Variants in CCDC102B observed in about 807,000 individuals in gnomAD.
CCDC102B encodes coiled-coil domain-containing protein 102B.
Under a neutral mutation model 57.4 loss-of-function variants are expected in CCDC102B, and 75 were observed. The ratio of observed to expected loss-of-function variants is 1.31; its 90% CI spans 1.08 to 1.58. The LOEUF (loss-of-function observed/expected upper bound fraction) is 1.58, where lower values mean the gene tolerates loss of function less well. Among genes scored for constraint, CCDC102B ranks in the 40% most tolerant of loss-of-function variants. The probability of loss-of-function intolerance (pLI) is 0.00; values close to 1 mark genes in which losing one functional copy is unlikely to be tolerated. For missense variants in CCDC102B, 636 were observed against 582.6 expected (o/e 1.09, Z -0.94); for synonymous variants, 206 against 201.9 (o/e 1.02, Z -0.17).
chr18:68,927,973 T>G (rs1296419831), intron 6 of CCDC102B, among the ~76,000 whole-genome samples: 3 of 151,886 alleles, frequency 2.0e-5, no homozygotes, highest in Non-Finnish European at 4.4e-5. Flanking sequence ...ACGTTTAACT[T>G]ACAGACACTG....
At chr18:68,777,869 G>A (rs923655655) in intron 2 of CCDC102B, among the ~76,000 whole-genome samples, 2 of 152,138 alleles carry the variant, frequency 1.3e-5, no homozygotes, top group African/African-American at 4.8e-5. Context: ...AGGTTGACAA[G>A]TATATTGCAA....
At chr18:69,052,995 G>A (rs2052746079) in intron 7 of CCDC102B, among the ~76,000 whole-genome samples, 1 of 151,824 alleles carries the variant, frequency 6.6e-6, no homozygotes, top group Admixed American at 6.6e-5. Flanking sequence ...TTAGTGACTT[G>A]AGCATATGTG....
intron 1 of CCDC102B, among the ~76,000 whole-genome samples, chr18:68,805,498 G>C (rs867278353): frequency 6.6e-6 from 1 of 152,276 alleles, no homozygotes; most frequent in Middle Eastern, 3.4e-3. Flanking sequence ...AGCTTGCTCA[G>C]AGCAATTTGT....
At chr18:69,038,107 TG>T (rs1269215770) in intron 7 of CCDC102B, among the ~76,000 whole-genome samples, 5 of 151,978 alleles carry the variant, frequency 3.3e-5, no homozygotes, top group Non-Finnish European at 7.4e-5. Flanking sequence ...GTGGTATTTT[TG>T]TTTTTATTTT....
chr18:68,749,308 T>A (rs1201922891), intron 2 of CCDC102B, among the ~76,000 whole-genome samples: 1 of 152,076 alleles, frequency 6.6e-6, no homozygotes, highest in Non-Finnish European at 1.5e-5. Context: ...TCCAATACTG[T>A]GAAGAAAGTC....
intron 7 of CCDC102B, among the ~76,000 whole-genome samples, chr18:69,042,112 A>G (rs908109866): frequency 2.0e-5 from 3 of 152,100 alleles, no homozygotes; most frequent in African/African-American, 7.2e-5. Flanking sequence ...AACGAAAATA[A>G]GGGTGGAACG....
At chr18:68,956,640 A>G (rs72965116) in intron 6 of CCDC102B, among the ~76,000 whole-genome samples, 4,733 of 126,204 alleles carry the variant, frequency 0.038, 263 homozygotes, top group Non-Finnish European at 0.056. Context: ...CGCACCATAC[A>G]TATAGCAGTG....
chr18:68,914,955 G>T lies in CCDC102B; in HGVS notation c.1263+17527G>T, dbSNP rs958988516. Among the ~76,000 whole-genome samples, 17 of 146,254 alleles carry T rather than the reference G, an allele frequency of 1.2e-4. No homozygotes were observed. In the East Asian group the frequency reaches 2.7e-3, roughly 23 times the overall value. On this transcript the variant is annotated intron_variant, in intron 6 of 7. Transcript: ENST00000360242. ...TTAGGTGAGGACTTACTGTATTTTT[G>T]ATTTAGGCACTACTGGGGGGAGAGA... is the stretch of plus-strand genomic sequence containing the variant.
intron 1 of CCDC102B, among the ~76,000 whole-genome samples, chr18:68,831,660 T>A (rs2037146308): frequency 6.6e-6 from 1 of 152,158 alleles, no homozygotes; most frequent in South Asian, 2.1e-4. Flanking sequence ...AGATGGAAGC[T>A]GTCTGTATAA....
In CCDC102B at chr18:68,748,458, C is replaced by A. The variant is rs150741206; in HGVS notation, c.-67+31864C>A. Among the ~76,000 whole-genome samples, 9 of 152,168 alleles carry A rather than the reference C, an allele frequency of 5.9e-5. 1 individual carries two copies. The East Asian group carries it at 1.7e-3, about 29-fold the overall frequency. ...TTTTACTAACTGGTAGTTTTGTAGT[C>A]AGCATGGTGGCAGAAATTTCCTAAT... On this transcript the variant is annotated intron_variant, in intron 2 of 3. Transcript: ENST00000578970.
At chr18:68,893,791 C>T (rs1420432777) in intron 5 of CCDC102B, among the ~76,000 whole-genome samples, 1 of 152,170 alleles carries the variant, frequency 6.6e-6, no homozygotes, top group Non-Finnish European at 1.5e-5. Context: ...TCGGAATAAT[C>T]ACAATATTAC....
intron 1 of CCDC102B, among the ~76,000 whole-genome samples, chr18:68,816,620 C>T (rs1239253107): frequency 1.3e-5 from 2 of 152,096 alleles, no homozygotes; most frequent in South Asian, 2.1e-4. Context: ...CGCCCGCCAC[C>T]ATGCCTGGCT....
intron 2 of CCDC102B, among the ~76,000 whole-genome samples, chr18:68,774,888 C>T (rs1482277770): frequency 2.0e-5 from 3 of 151,366 alleles, no homozygotes; most frequent in African/African-American, 4.8e-5. Context: ...ATAACATAAT[C>T]AGTACCACTT....
In CCDC102B at chr18:68,774,856, CTTTTAA is replaced by C. The variant is rs1047863392; in HGVS notation, c.-66-48502_-66-48497del. 1.1e-3 allele frequency among the ~76,000 whole-genome samples: 167 copies of C among 151,550 alleles called. 2 individuals are homozygous for C. The highest frequency in any genetic ancestry group is 7.3e-3 in the Middle Eastern group (2 of 274). ...TGTCATTTTAAAATATTATCATTTA[CTTTTAA>C]TTTTAATATATATTAATAACATAAT... On this transcript the variant is annotated intron_variant, in intron 2 of 3. Coordinates refer to the CCDC102B transcript ENST00000578970.
At chr18:69,020,404 A>G (rs1297374644) in intron 7 of CCDC102B, among the ~76,000 whole-genome samples, 3 of 152,134 alleles carry the variant, frequency 2.0e-5, no homozygotes, top group Non-Finnish European at 2.9e-5. Context: ...GAATATGGAG[A>G]TAAATATTCT....
At chr18:68,921,115 C>T (rs2041262741) in intron 6 of CCDC102B, among the ~76,000 whole-genome samples, 1 of 152,168 alleles carries the variant, frequency 6.6e-6, no homozygotes, top group Non-Finnish European at 1.5e-5. Flanking sequence ...GAGGTGCCCT[C>T]AGCAGTGATA....
rs764810972 is a variant in CCDC102B at position 68,837,112 on chromosome 18, AG to A, written c.352del (p.Glu118ArgfsTer8). ...SKVRAERNSA[R>X]EEGRQLRIKL... ...AGTTCGAGCTGAAAGGAACAGTGCC[AG>A]GGAGGAAGGAAGACAACTCAGAATA... On this transcript the variant is annotated frameshift_variant, in exon 2 of 8. Coordinates refer to ENST00000360242, the MANE Select transcript of CCDC102B (RefSeq NM_024781.3). LOFTEE classifies it high-confidence loss of function. The A allele has an allele frequency of 6.2e-7, 1 of 1,614,162 alleles. No individual in the cohort carries two copies. The highest frequency in any genetic ancestry group is 1.1e-5 in the South Asian group (1 of 91,088).
At chr18:68,855,108 C>T (rs572200676) in intron 4 of CCDC102B, among the ~76,000 whole-genome samples, 1 of 152,236 alleles carries the variant, frequency 6.6e-6, no homozygotes, top group South Asian at 2.1e-4. Flanking sequence ...TTATAAGAAA[C>T]AGTGTTTCCA....
intron 1 of CCDC102B, among the ~76,000 whole-genome samples, chr18:68,834,284 A>G (rs925228225): frequency 4.6e-5 from 7 of 152,074 alleles, no homozygotes; most frequent in African/African-American, 1.4e-4. Flanking sequence ...CAATTTTATG[A>G]TACTGATTTA....
Sources: gnomAD v4.1 joint callset for allele counts (sites outside exome capture counted in the v4.1 genomes callset) on GRCh38, gnomAD v4.1.1 for gene constraint, MANE v1.5 for transcripts, NCBI Gene and HGNC (gene_info 2026-07-23, HGNC 2026-07-21) for gene names.